The following MATR3 variants were observed in gnomAD, a reference collection of about 807,000 sequenced individuals.
MATR3 encodes the protein matrin 3.
Under a neutral mutation model 85.5 loss-of-function variants are expected in MATR3, and 4 were observed. The observed-to-expected ratio is 0.05, with a 90% CI of 0.02 to 0.11. The LOEUF is 0.11. Among genes scored for constraint, MATR3 ranks in the 10% least tolerant of loss-of-function variants. MATR3 has a pLI of 1.00. For synonymous variants in MATR3, 336 were observed against 343.1 expected, an observed-to-expected ratio of 0.98 and a Z score of 0.23; for missense variants, 685 against 1,016.1, an observed-to-expected ratio of 0.67 and a Z score of 4.43.
chr5:139,306,229 AATG>A, intron 1 of MATR3, among the ~76,000 whole-genome samples: 1 of 152,224 alleles, frequency 6.6e-6, no homozygotes, highest in Non-Finnish European at 1.5e-5. Context: ...GTACAACAAT[AATG>A]ATTTAAGAAA....
chr5:139,278,360 T>C, intron 2 of MATR3: 1 of 454,030 alleles, frequency 2.2e-6, no homozygotes, highest in South Asian at 1.6e-5. Context: ...TTCACCCATC[T>C]GAAGGGAGGA....
intron 12 of MATR3, among the ~76,000 whole-genome samples, chr5:139,324,488 G>C (rs182806059): frequency 1.3e-5 from 2 of 151,926 alleles, no homozygotes; most frequent in Non-Finnish European, 2.9e-5. Flanking sequence ...ACGAGGTTTC[G>C]CCATGTTGGC....
intron 1 of MATR3, among the ~76,000 whole-genome samples, chr5:139,275,566 C>G (rs1753245452): frequency 6.6e-6 from 1 of 152,180 alleles, no homozygotes; most frequent in South Asian, 2.1e-4. Flanking sequence ...AGTGCCCACA[C>G]TATACCAGAC....
Position 139,314,791 on chromosome 5 carries a change from T to A in MATR3, c.974+55T>A, listed in dbSNP as rs1755160767. ...CTTATCGTGAATCAGAATCAGCCAT[T>A]ATTGGTTTTTGGGAGTTCATCATTT... On this transcript the variant is annotated intron_variant, in intron 3 of 14. Transcript: ENST00000394805. 7.1e-6 allele frequency: 11 copies of A among 1,544,572 alleles called. 1 individual carries two copies. The Middle Eastern group carries it at 8.4e-4, about 118-fold the overall frequency.
At chr5:139,323,867 G>T (rs1208389299) in intron 12 of MATR3, among the ~76,000 whole-genome samples, 6 of 152,186 alleles carry the variant, frequency 3.9e-5, no homozygotes, top group African/African-American at 1.4e-4. Context: ...CTCCAGCCTG[G>T]GTGACAAGAG....
At chr5:139,317,525 C>A (rs1755315614) in intron 6 of MATR3, 71 bp from the exon 7 acceptor site, 6 of 1,420,090 alleles carry the variant, frequency 4.2e-6, no homozygotes, top group Non-Finnish European at 6.0e-6. Context: ...TATAAAAAGT[C>A]CTAATGCGTA....
chr5:139,324,614 A>C (rs1451213880), intron 12 of MATR3, among the ~76,000 whole-genome samples: 1 of 152,090 alleles, frequency 6.6e-6, no homozygotes, highest in Non-Finnish European at 1.5e-5. Context: ...TTTTTTAGCC[A>C]TTACACTGTT....
At chr5:139,304,344 T>C (rs1294642411) in intron 1 of MATR3, among the ~76,000 whole-genome samples, 1 of 151,900 alleles carries the variant, frequency 6.6e-6, no homozygotes, top group Non-Finnish European at 1.5e-5. Flanking sequence ...CTACTAAAAA[T>C]ACAAAATTAG....
At chr5:139,290,352 C>T (rs1753831413), upstream of MATR3, among the ~76,000 whole-genome samples, 1 of 150,074 alleles carries the variant, frequency 6.7e-6, no homozygotes, top group Non-Finnish European at 1.5e-5. Context: ...ACTATGTTGG[C>T]CAGGCTGGTC....
intron 2 of MATR3, among the ~76,000 whole-genome samples, chr5:139,309,737 C>G (rs150027416): frequency 6.6e-5 from 10 of 152,248 alleles, no homozygotes; most frequent in African/African-American, 2.2e-4. Context: ...TTTGTTGGCT[C>G]TACTAAATAT....
chr5:139,284,877 T>TA (rs1288170756), intron 3 of MATR3, among the ~76,000 whole-genome samples: 1 of 152,220 alleles, frequency 6.6e-6, no homozygotes, highest in African/African-American at 2.4e-5. Context: ...TGGGGTTCTA[T>TA]AAAAAATAAA....
chr5:139,308,389 C>T, intron 2 of MATR3, 62 bp downstream of exon 2: 3 of 1,581,614 alleles, frequency 1.9e-6, no homozygotes, highest in South Asian at 1.1e-5. Context: ...TTACCTATAT[C>T]TTTGACTCTA....
At chr5:139,319,948 C>CTTT (rs201546262) in intron 9 of MATR3, among the ~76,000 whole-genome samples, 813 of 43,634 alleles carry the variant, frequency 0.019, 14 homozygotes, top group African/African-American at 0.06. Flanking sequence ...CTTTTCTTTT[C>CTTT]TTTTTTTTTT....
Position 139,326,182 on chromosome 5 carries a change from T to G in MATR3, c.2391T>G (p.Pro797=), listed in dbSNP as rs755220272. Residue 797 remains proline (P), a synonymous_variant, in exon 14 of 15, where the codon CCT becomes CCG. Coordinates refer to ENST00000394805, the MANE Select transcript of MATR3 (RefSeq NM_018834.6). ...NVPVGIDYVI[P]KTGFYCKLCS... ...TTCTAGGTATAGACTATGTGATACC[T>G]AAAACAGGGTTTTACTGTAAGCTGT... 15 of 1,608,394 alleles carry G rather than the reference T, an allele frequency of 9.3e-6. No individual in the cohort carries two copies. Among genetic ancestry groups the G allele is most frequent in the Non-Finnish European group, 1.2e-5 (14 of 1,175,874 alleles).
upstream of MATR3, chr5:139,291,938 C>CTTTTT (rs10572568): frequency 2.5e-5 from 2 of 79,796 alleles, no homozygotes; most frequent in African/African-American, 4.6e-5. Context: ...ATTACATAAC[C>CTTTTT]TTTTTTTTTT....
intron 1 of MATR3, chr5:139,274,349 C>T (rs1191863966): frequency 5.8e-6 from 2 of 344,588 alleles, no homozygotes; most frequent in Non-Finnish European, 1.1e-5. Context: ...CATCCCTCTT[C>T]CCTCTTCTCC....
intron 1 of MATR3, among the ~76,000 whole-genome samples, chr5:139,301,933 G>A (rs989907950): frequency 6.6e-6 from 1 of 152,158 alleles, no homozygotes; most frequent in Non-Finnish European, 1.5e-5. Flanking sequence ...ACGCCACTCT[G>A]CAACATTCTT....
In MATR3 at chr5:139,322,906, C is replaced by T; in HGVS notation, c.2087C>T (p.Ser696Leu). The change falls in exon 12 of 15, where the codon TCA becomes TTA. Residue 696 changes from serine (S) to leucine (L), a missense_variant. This residue lies in a region of MATR3 where 215 missense variants were observed against 194.7 expected (regional missense o/e 1.10). Coordinates refer to ENST00000394805, the MANE Select transcript of MATR3 (RefSeq NM_018834.6). ...GCTTCTGATGGGAAAAAGGAACCAT[C>T]AGATAAAGCTGTGAAAAAAGATGGA... is the stretch of plus-strand genomic sequence containing the variant. The part of the protein sequence containing the change: ...DVASDGKKEP[S>L]DKAVKKDGSA... The T allele has an allele frequency of 6.2e-7, 1 of 1,613,638 alleles. No homozygotes were observed. Among genetic ancestry groups the T allele is most frequent in the South Asian group, 1.1e-5 (1 of 91,042 alleles).
At chr5:139,276,055 G>C in intron 1 of MATR3, 1 of 456,730 alleles carries the variant, frequency 2.2e-6, no homozygotes, top group Non-Finnish European at 4.4e-6. Flanking sequence ...GTGTTTTGAG[G>C]GGAGGGACTC....
Sources: gnomAD v4.1 joint callset for allele counts (sites outside exome capture counted in the v4.1 genomes callset) on GRCh38, gnomAD v4.1.1 for gene constraint, gnomAD v4.1.1 regional missense constraint, MANE v1.5 for transcripts, NCBI Gene and HGNC (gene_info 2026-07-23, HGNC 2026-07-21) for gene names.